SLC25A12: variants seen among roughly 807,000 people sequenced by gnomAD.
SLC25A12 encodes the protein electrogenic aspartate/glutamate antiporter SLC25A12, mitochondrial.
Under a neutral mutation model 83.3 loss-of-function variants are expected in SLC25A12, and 32 were observed. The ratio of observed to expected loss-of-function variants is 0.38; its 90% CI spans 0.29 to 0.52. SLC25A12 has a LOEUF of 0.52. Among genes scored for constraint, SLC25A12 ranks in the 20% least tolerant of loss-of-function variants. The pLI is 0.84. For missense variants in SLC25A12, 611 were observed against 835.6 expected, an observed-to-expected ratio of 0.73 and a Z score of 3.31; for synonymous variants, 267 against 291.1, an observed-to-expected ratio of 0.92 and a Z score of 0.84.
intron 2 of SLC25A12, among the ~76,000 whole-genome samples, chr2:171,877,971 G>A (rs148405428): frequency 2.6e-5 from 4 of 152,156 alleles, no homozygotes; most frequent in Non-Finnish European, 5.9e-5. Context: ...ATTATATGGT[G>A]TATCAAGATT....
At chr2:171,789,594 C>G (rs1203802953) in intron 15 of SLC25A12, among the ~76,000 whole-genome samples, 3 of 152,148 alleles carry the variant, frequency 2.0e-5, no homozygotes, top group Non-Finnish European at 4.4e-5. Flanking sequence ...GTGTCCTTGG[C>G]TGCACCAACA....
chr2:171,833,749 C>T (rs1327727198), intron 8 of SLC25A12, among the ~76,000 whole-genome samples: 33 of 151,856 alleles, frequency 2.2e-4, no homozygotes, highest in Admixed American at 2.2e-3. Context: ...CTCCTTTCCC[C>T]TCCCTCCATC....
rs201551228 is a variant in SLC25A12, at chr2:171,793,750, G to T, written c.1323C>A (p.Val441=). 1.2e-5 allele frequency: 20 copies of T among 1,614,138 alleles called. No homozygotes were observed. The Admixed American group carries it at 3.2e-4, about 26-fold the overall frequency. ...LAGGCAGGSQ[V]IFTNPLEIVK... ...CTATCTCCAATGGGTTGGTAAAAAT[G>T]ACCTGAGAGCCTCCAGCCTGTAGGC... is the stretch of plus-strand genomic sequence containing the variant. Residue 441 remains valine, a synonymous_variant, in exon 14 of 18, where the codon GTC becomes GTA. Transcript: ENST00000422440.
chr2:171,837,235 A>G lies in SLC25A12; in HGVS notation c.498T>C (p.Phe166=). 1 of 1,614,124 alleles carries G rather than the reference A, an allele frequency of 6.2e-7. No homozygotes were observed. The highest frequency in any genetic ancestry group is 8.5e-7 in the Non-Finnish European group (1 of 1,179,998). ...ELQLEHARQA[F]ALKDKSKSGM... ...CACTTTTGCTTTTGTCTTTGAGTGC[A>G]AAGGCTTGTCTTGCATGTTCCAATT... Residue 166 remains phenylalanine, a synonymous_variant, in exon 6 of 18, where the codon TTT becomes TTC. Transcript: ENST00000422440.
chr2:171,840,566 C>G (rs982060319), intron 5 of SLC25A12, among the ~76,000 whole-genome samples: 1 of 151,770 alleles, frequency 6.6e-6, no homozygotes, highest in African/African-American at 2.4e-5. Context: ...GAACAGTATG[C>G]TATTTTTTAA....
intron 13 of SLC25A12, among the ~76,000 whole-genome samples, chr2:171,805,354 A>C (rs1295377515): frequency 6.6e-6 from 1 of 152,110 alleles, no homozygotes; most frequent in Admixed American, 6.5e-5. Context: ...CAGGTGATCC[A>C]CTTGCTTCGG....
chr2:171,849,297 C>T (rs148660098), intron 4 of SLC25A12, among the ~76,000 whole-genome samples: 1 of 150,788 alleles, frequency 6.6e-6, no homozygotes, highest in East Asian at 2.0e-4. Flanking sequence ...AACACTCCAC[C>T]TTTTCTTTCA....
chr2:171,805,825 G>T (rs1683812647), intron 13 of SLC25A12, among the ~76,000 whole-genome samples: 1 of 152,172 alleles, frequency 6.6e-6, no homozygotes, highest in Admixed American at 6.5e-5. Context: ...AAAATCACAG[G>T]CCTTGGCCAG....
chr2:171,891,012 T>G (rs918978191), intron 2 of SLC25A12, among the ~76,000 whole-genome samples: 1 of 152,084 alleles, frequency 6.6e-6, no homozygotes, highest in Admixed American at 6.6e-5. Context: ...GATTTAAAAG[T>G]TGTCAAAGAA....
intron 13 of SLC25A12, among the ~76,000 whole-genome samples, chr2:171,804,164 G>A (rs1683773247): frequency 6.6e-6 from 1 of 152,180 alleles, no homozygotes; most frequent in Admixed American, 6.5e-5. Flanking sequence ...ACTGATACAT[G>A]CTACAACACA....
At chr2:171,792,999 TA>T (rs780450104) in intron 14 of SLC25A12, among the ~76,000 whole-genome samples, 1 of 152,166 alleles carries the variant, frequency 6.6e-6, no homozygotes, top group Non-Finnish European at 1.5e-5. Flanking sequence ...CTTCCTTGTT[TA>T]AGAAAAATAA....
intron 1 of SLC25A12, 23 bp from the exon 2 acceptor site, chr2:171,893,281 A>AT: frequency 6.2e-7 from 1 of 1,611,656 alleles, no homozygotes; most frequent in Middle Eastern, 1.7e-4. Context: ...AAGAAAAAAA[A>AT]GCCAGTTAAT....
At chr2:171,851,752 C>A (rs1684938755) in intron 4 of SLC25A12, among the ~76,000 whole-genome samples, 1 of 152,136 alleles carries the variant, frequency 6.6e-6, no homozygotes, top group African/African-American at 2.4e-5. Context: ...CCGTGCTGGT[C>A]TTGAACTCCT....
intron 8 of SLC25A12, among the ~76,000 whole-genome samples, chr2:171,827,608 GA>G (rs1218620746): frequency 6.6e-6 from 1 of 152,222 alleles, no homozygotes; most frequent in Non-Finnish European, 1.5e-5. Flanking sequence ...AACCCCGGAA[GA>G]TTTGCAACTA....
chr2:171,792,369 C>G (rs1021145366), intron 14 of SLC25A12, among the ~76,000 whole-genome samples: 6 of 151,588 alleles, frequency 4.0e-5, no homozygotes, highest in Non-Finnish European at 7.4e-5. Flanking sequence ...CTTGCTGTAG[C>G]CTTGACCGTC....
chr2:171,866,772 C>T (rs1157252219), intron 3 of SLC25A12, among the ~76,000 whole-genome samples: 9 of 142,220 alleles, frequency 6.3e-5, no homozygotes, highest in Non-Finnish European at 9.3e-5. Context: ...GGCTGACCCC[C>T]CCCACCTCCC....
chr2:171,835,009 T>C (rs1363370425), intron 6 of SLC25A12, 144 bp from the exon 7 acceptor site: 19 of 870,546 alleles, frequency 2.2e-5, no homozygotes, highest in Non-Finnish European at 3.1e-5. Flanking sequence ...ACAAGGAAAG[T>C]ATCACACTGA....
chr2:171,888,250 G>A (rs755883807), intron 2 of SLC25A12, among the ~76,000 whole-genome samples: 2 of 151,008 alleles, frequency 1.3e-5, no homozygotes, highest in Non-Finnish European at 2.9e-5. Context: ...ATGTACCACC[G>A]CACCCAGCTA....
chr2:171,889,154 T>C lies in SLC25A12; in HGVS notation c.66+4051A>G, dbSNP rs74363770. On this transcript the variant is annotated intron_variant, in intron 2 of 17. Coordinates refer to ENST00000422440, the MANE Select transcript of SLC25A12 (RefSeq NM_003705.5). Reference sequence around the variant, plus strand: ...CCCTGATCCTCTGCCTTGCTTTATATACAAGGAATTCATCTACCACCTGCA... The same window carrying C: ...CCCTGATCCTCTGCCTTGCTTTATACACAAGGAATTCATCTACCACCTGCA... Among the ~76,000 whole-genome samples the C allele has an allele frequency of 4.5e-3, 681 of 152,270 alleles. 5 individuals are homozygous for C. The highest frequency in any genetic ancestry group is 0.015 in the African/African-American group (638 of 41,530).
Sources: allele counts gnomAD v4.1 joint callset (sites outside exome capture counted in the v4.1 genomes callset), GRCh38; gene constraint gnomAD v4.1.1; transcripts MANE v1.5; gene names NCBI Gene and HGNC (gene_info 2026-07-23, HGNC 2026-07-21).